LAMA2: variants seen among roughly 807,000 people sequenced by gnomAD.
LAMA2 encodes the protein laminin subunit alpha 2.
LAMA2 carries 269 observed loss-of-function variants against 364.8 expected under a neutral mutation model. That is an observed-to-expected ratio of 0.74 (90% CI 0.67 to 0.82). The LOEUF (loss-of-function observed/expected upper bound fraction) is 0.82. Among genes scored for constraint, LAMA2 ranks in the 40% least tolerant of loss-of-function variants. LAMA2 has a pLI of 0.00. For synonymous variants in LAMA2, 1,379 were observed against 1,370.6 expected (o/e 1.01, Z -0.14); for missense variants, 3,807 against 3,873.2 (o/e 0.98, Z 0.45).
chr6:129,330,973 A>T (rs1418737536), intron 29 of LAMA2, among the ~76,000 whole-genome samples: 1 of 151,738 alleles, frequency 6.6e-6, no homozygotes, highest in Non-Finnish European at 1.5e-5. Context: ...GGTTCAAGCC[A>T]TTCTCCTGCC....
At chr6:128,914,710 G>A (rs1407370042) in intron 1 of LAMA2, among the ~76,000 whole-genome samples, 1 of 152,150 alleles carries the variant, frequency 6.6e-6, no homozygotes, top group Admixed American at 6.5e-5. Context: ...GAGATAAACT[G>A]TAAGTGTATG....
intron 3 of LAMA2, among the ~76,000 whole-genome samples, chr6:129,060,338 T>G (rs10457517): frequency 0.29 from 43,398 of 152,190 alleles, 6,576 homozygotes; most frequent in African/African-American, 0.39. Flanking sequence ...TGAGAAAGTT[T>G]TGACAGTTGC....
chr6:129,425,974 G>A (rs999348133), intron 40 of LAMA2, among the ~76,000 whole-genome samples: 1 of 151,610 alleles, frequency 6.6e-6, no homozygotes, highest in African/African-American at 2.4e-5. Flanking sequence ...TTACAAAAAG[G>A]TATTCACACT....
intron 58 of LAMA2, among the ~76,000 whole-genome samples, chr6:129,500,860 A>G (rs922011656): frequency 1.3e-5 from 2 of 152,210 alleles, no homozygotes; most frequent in African/African-American, 4.8e-5. Context: ...GAGAAGTTAT[A>G]TTGACATTTA....
At chr6:129,163,648 T>C (rs1779576334) in intron 8 of LAMA2, among the ~76,000 whole-genome samples, 2 of 152,120 alleles carry the variant, frequency 1.3e-5, no homozygotes, top group South Asian at 4.1e-4. Flanking sequence ...TAAATACAAA[T>C]AAATAAATAA....
At position 128,888,048 on chromosome 6, in the gene LAMA2, T is replaced by C. The variant is rs568227774; in HGVS notation, c.112+4691T>C. ...GTGGTTTAACTTCTAATCTAGAAGA[T>C]TCGGGTTTAGGATTTGTTTACAGTT... is the stretch of plus-strand genomic sequence containing the variant. On this transcript the variant is annotated intron_variant, in intron 1 of 64. Coordinates refer to ENST00000421865, the MANE Select transcript of LAMA2 (RefSeq NM_000426.4). Among the ~76,000 whole-genome samples the C allele has an allele frequency of 3.3e-5, 5 of 152,260 alleles. No individual in the cohort carries two copies. In the South Asian group the frequency reaches 8.3e-4, roughly 25 times the overall value.
At chr6:129,378,443 A>G (rs752467186) in intron 34 of LAMA2, among the ~76,000 whole-genome samples, 1 of 152,214 alleles carries the variant, frequency 6.6e-6, no homozygotes, top group Non-Finnish European at 1.5e-5. Flanking sequence ...AGGCTTCTTT[A>G]TGAAGTCTCT....
intron 40 of LAMA2, among the ~76,000 whole-genome samples, chr6:129,405,455 T>C (rs538162581): frequency 6.6e-6 from 1 of 152,278 alleles, no homozygotes; most frequent in East Asian, 1.9e-4. Flanking sequence ...CCCATGCTTA[T>C]ACATGGTAGG....
chr6:129,226,514 T>C (rs917374139), intron 12 of LAMA2, among the ~76,000 whole-genome samples: 3 of 152,176 alleles, frequency 2.0e-5, no homozygotes, highest in African/African-American at 7.2e-5. Flanking sequence ...GGAGCTCTTT[T>C]AGGGCAGGCC....
chr6:129,103,081 A>G (rs1775607894), intron 4 of LAMA2, among the ~76,000 whole-genome samples: 1 of 152,212 alleles, frequency 6.6e-6, no homozygotes, highest in Admixed American at 6.5e-5. Flanking sequence ...CTCACAGGAC[A>G]AAAGCTGTCA....
At chr6:129,505,572 G>A (rs892159217) in intron 61 of LAMA2, among the ~76,000 whole-genome samples, 1 of 151,976 alleles carries the variant, frequency 6.6e-6, no homozygotes, top group African/African-American at 2.4e-5. Flanking sequence ...GCAGTGGTGC[G>A]ATCTTGGCTC....
At chr6:129,464,921 A>T (rs1783461752) in intron 50 of LAMA2, among the ~76,000 whole-genome samples, 1 of 152,008 alleles carries the variant, frequency 6.6e-6, no homozygotes, top group South Asian at 2.1e-4. Flanking sequence ...TAATAAAAGG[A>T]TATGTCTTAG....
chr6:129,335,156 C>A (rs1775876851), intron 29 of LAMA2, among the ~76,000 whole-genome samples: 1 of 152,130 alleles, frequency 6.6e-6, no homozygotes, highest in Non-Finnish European at 1.5e-5. Flanking sequence ...CCTAATGATA[C>A]TTGCAAGATA....
At chr6:128,929,068 G>A in intron 1 of LAMA2, 2 of 1,453,924 alleles carry the variant, frequency 1.4e-6, no homozygotes, top group Non-Finnish European at 1.9e-6. Context: ...AGTGGCTAAT[G>A]TGGTCATCCA....
At chr6:129,507,904 A>G (rs1786234500) in intron 62 of LAMA2, among the ~76,000 whole-genome samples, 1 of 152,218 alleles carries the variant, frequency 6.6e-6, no homozygotes, top group South Asian at 2.1e-4. Context: ...AAGAACAGCA[A>G]AATAAATAAT....
chr6:128,953,540 C>G (rs1329289826), intron 1 of LAMA2, among the ~76,000 whole-genome samples: 1 of 151,640 alleles, frequency 6.6e-6, no homozygotes, highest in Non-Finnish European at 1.5e-5. Flanking sequence ...AAAACAAAAA[C>G]AAAACCTATG....
chr6:129,300,206 C>T (rs1773463797), intron 21 of LAMA2, among the ~76,000 whole-genome samples: 1 of 152,096 alleles, frequency 6.6e-6, no homozygotes, highest in Non-Finnish European at 1.5e-5. Flanking sequence ...GTCCATAATT[C>T]AACCATTTTA....
chr6:129,367,500 C>A (rs1777843105), intron 33 of LAMA2, among the ~76,000 whole-genome samples: 1 of 152,060 alleles, frequency 6.6e-6, no homozygotes, highest in Non-Finnish European at 1.5e-5. Flanking sequence ...TCAGGGTAAC[C>A]AGAGAATGTA....
At position 129,126,861 on chromosome 6, in the gene LAMA2, A is replaced by G. The variant is rs1777145810; in HGVS notation, c.640-17040A>G. On this transcript the variant is annotated intron_variant, in intron 4 of 64. Coordinates refer to ENST00000421865, the MANE Select transcript of LAMA2 (RefSeq NM_000426.4). ...TGAGGCAGATGGATTGCTTGAGCTC[A>G]GGAGTTTGAGACCAGAATGGGCAAC... Among the ~76,000 whole-genome samples, 2 of 152,170 alleles carry G rather than the reference A, an allele frequency of 1.3e-5. 1 individual carries two copies. The highest frequency in any genetic ancestry group is 4.1e-4 in the South Asian group (2 of 4,832).
Sources: gnomAD v4.1 joint callset for allele counts (sites outside exome capture counted in the v4.1 genomes callset) on GRCh38, gnomAD v4.1.1 for gene constraint, MANE v1.5 for transcripts, NCBI Gene and HGNC (gene_info 2026-07-23, HGNC 2026-07-21) for gene names.